Variants in PTBP3 observed in about 807,000 individuals in gnomAD.
The protein encoded by PTBP3 is polypyrimidine tract binding protein 3, also known as polypyrimidine tract-binding protein 3.
Under a neutral mutation model 58.7 loss-of-function variants are expected in PTBP3, and 20 were observed. The observed-to-expected ratio is 0.34, with a 90% CI of 0.24 to 0.50. The LOEUF (loss-of-function observed/expected upper bound fraction) is 0.50. PTBP3 is among the 20% of genes least tolerant of loss of function. PTBP3 has a pLI of 0.98. For synonymous variants in PTBP3, 185 were observed against 219.8 expected (o/e 0.84, Z 1.40); for missense variants, 509 against 637.2 (o/e 0.80, Z 2.17).
At position 112,223,902 on chromosome 9, in the gene PTBP3, G is replaced by A. The variant is rs749374659; in HGVS notation, c.1524C>T (p.Asp508=). ...CTCTGAGGTGGTGATTTTCTCCAAG[G>A]TCATGGTTATGAAGCTCAATGAGGG... ...IQALIELHNH[D]LGENHHLRVS... is the part of the protein sequence containing the mutation. The change falls in exon 14 of 14, where the codon GAC becomes GAT. Residue 508 remains aspartate (D), a synonymous_variant. Coordinates refer to ENST00000374257, the MANE Select transcript of PTBP3 (RefSeq NM_001163788.4). 1.1e-5 allele frequency: 18 copies of A among 1,613,478 alleles called. No individual in the cohort carries two copies. The highest frequency in any genetic ancestry group is 1.4e-5 in the Non-Finnish European group (17 of 1,179,706).
chr9:112,335,271 GTTTGTTTT>G (rs57799803), upstream of PTBP3, among the ~76,000 whole-genome samples: 45,851 of 150,870 alleles, frequency 0.3, 8,423 homozygotes, highest in South Asian at 0.42. Flanking sequence ...TTTTTTTGTT[GTTTGTTTT>G]TTTGTTTTTT....
At chr9:112,224,292 T>G in intron 12 of PTBP3, 82 bp from the exon 13 acceptor site, 39 of 813,860 alleles carry the variant, frequency 4.8e-5, no homozygotes, top group Non-Finnish European at 6.8e-5. Flanking sequence ...ATCAAATCTC[T>G]AGAGTACATT....
rs917543159 is a variant in PTBP3 at position 112,333,572 on chromosome 9, G to C, written c.-154C>G. On this transcript the variant is annotated 5_prime_UTR_variant, in exon 1 of 14. Transcript: ENST00000374257. ...CAGCAGGGCGGTTCCGGGGACAAGC[G>C]AGCTTTGGCTCTGCGGAGCCCCGGC... 2.7e-6 allele frequency: 4 copies of C among 1,459,698 alleles called. No individual in the cohort carries two copies. Among genetic ancestry groups the C allele is most frequent in the Non-Finnish European group, 3.8e-6 (4 of 1,062,294 alleles). 90.4% of individuals were successfully genotyped at this position (1,459,698 alleles called of 1,614,324 possible). A position where few individuals can be genotyped will look rare whatever the true frequency, so the allele number is the denominator to read the frequency against.
chr9:112,312,444 C>T (rs917591606), intron 1 of PTBP3, among the ~76,000 whole-genome samples: 1 of 140,376 alleles, frequency 7.1e-6, no homozygotes, highest in Non-Finnish European at 1.5e-5. Flanking sequence ...CTGCTGTGAT[C>T]TGTGTTCATA....
chr9:112,350,144 T>C, the PTBP3 span, among the ~76,000 whole-genome samples: 1 of 152,198 alleles, frequency 6.6e-6, no homozygotes, highest in East Asian at 1.9e-4. Context: ...CATCCTATGT[T>C]CTTACTCATA....
At chr9:112,230,506 T>C (rs777860064) in intron 10 of PTBP3, among the ~76,000 whole-genome samples, 2 of 152,096 alleles carry the variant, frequency 1.3e-5, no homozygotes, top group Non-Finnish European at 2.9e-5. Context: ...TGACAAAAAT[T>C]GGTGGATTAC....
upstream of PTBP3, chr9:112,333,682 G>T: frequency 4.9e-6 from 2 of 409,534 alleles, no homozygotes; most frequent in East Asian, 4.1e-5. Flanking sequence ...TCCCCACCCC[G>T]CGAGCGCGTC....
intron 1 of PTBP3, among the ~76,000 whole-genome samples, chr9:112,324,604 C>A (rs1330219853): frequency 6.6e-6 from 1 of 151,484 alleles, no homozygotes; most frequent in African/African-American, 2.4e-5. Context: ...GAGCCAAGAT[C>A]GCACCACTGC....
At chr9:112,231,689 C>T (rs1359690092) in intron 9 of PTBP3, among the ~76,000 whole-genome samples, 1 of 151,628 alleles carries the variant, frequency 6.6e-6, no homozygotes, top group Admixed American at 6.6e-5. Flanking sequence ...GTCGCTTGAG[C>T]CCAGGAGCTT....
chr9:112,369,296 G>A, the PTBP3 span, among the ~76,000 whole-genome samples: 3 of 152,200 alleles, frequency 2.0e-5, no homozygotes, highest in African/African-American at 7.2e-5. Context: ...CATGTACCTG[G>A]AAAAGTCACA....
chr9:112,300,967 C>T (rs1482176755), intron 1 of PTBP3, among the ~76,000 whole-genome samples: 1 of 131,542 alleles, frequency 7.6e-6, no homozygotes, highest in African/African-American at 3.0e-5. Flanking sequence ...AATGGATTAT[C>T]AAAACCAAAA....
the PTBP3 span, among the ~76,000 whole-genome samples, chr9:112,371,499 A>G: frequency 1.3e-5 from 2 of 152,204 alleles, no homozygotes; most frequent in Non-Finnish European, 2.9e-5. Flanking sequence ...GAAAAGATAT[A>G]AAATTATTAC....
intron 1 of PTBP3, among the ~76,000 whole-genome samples, chr9:112,322,134 CAAAAAAAA>C (rs149553072): frequency 4.4e-5 from 3 of 68,360 alleles, no homozygotes; most frequent in African/African-American, 6.4e-5. Context: ...GACTCCATCT[CAAAAAAAA>C]AAAAAAAAAA....
At chr9:112,228,774 A>G (rs891567352) in intron 10 of PTBP3, among the ~76,000 whole-genome samples, 8 of 152,188 alleles carry the variant, frequency 5.3e-5, no homozygotes, top group African/African-American at 1.9e-4. Flanking sequence ...CAGTTGCTCC[A>G]GCCAGAAACC....
chr9:112,368,496 A>G, the PTBP3 span, among the ~76,000 whole-genome samples: 1 of 149,298 alleles, frequency 6.7e-6, no homozygotes, highest in Admixed American at 6.8e-5. Context: ...CAGGGAGCAC[A>G]CTGTGAAAGG....
intron 1 of PTBP3, among the ~76,000 whole-genome samples, chr9:112,302,637 G>A (rs1195663654): frequency 1.5e-5 from 2 of 131,128 alleles, no homozygotes; most frequent in Non-Finnish European, 3.1e-5. Flanking sequence ...CACCCAGGCT[G>A]GAGTACAGTG....
At chr9:112,231,929 G>GAAGAA (rs1835219989) in intron 9 of PTBP3, among the ~76,000 whole-genome samples, 170 bp downstream of exon 9, 1 of 68,938 alleles carries the variant, frequency 1.5e-5, no homozygotes, top group Non-Finnish European at 2.9e-5. Context: ...GAAGAGAAGA[G>GAAGAA]AAGAGAAGAG....
chr9:112,276,229 A>G (rs4978480), intron 2 of PTBP3, among the ~76,000 whole-genome samples: 127,904 of 152,158 alleles, frequency 0.84, 54,052 homozygotes, highest in African/African-American at 0.92. Context: ...TGGGTATTAA[A>G]TTTTTTAAAA....
intron 1 of PTBP3, among the ~76,000 whole-genome samples, chr9:112,331,207 A>C (rs1449461772): frequency 6.6e-6 from 1 of 152,112 alleles, no homozygotes; most frequent in Non-Finnish European, 1.5e-5. Flanking sequence ...CTACCCAAAT[A>C]AGGAAAAAGG....
Sources: allele counts gnomAD v4.1 joint callset (sites outside exome capture counted in the v4.1 genomes callset), GRCh38; gene constraint gnomAD v4.1.1; transcripts MANE v1.5; gene names NCBI Gene and HGNC (gene_info 2026-07-23, HGNC 2026-07-21).